Variants in NDST4 observed in about 807,000 individuals in gnomAD.
NDST4 encodes N-heparan sulfate sulfotransferase 4.
Under a neutral mutation model 100.8 loss-of-function variants are expected in NDST4, and 63 were observed. The observed-to-expected ratio is 0.62, with a 90% CI of 0.51 to 0.77. The LOEUF (loss-of-function observed/expected upper bound fraction) is 0.77, where lower values mean the gene tolerates loss of function less well. Among genes scored for constraint, NDST4 ranks in the 30% least tolerant of loss-of-function variants. The pLI, the probability that NDST4 is intolerant of heterozygous loss-of-function variation, is 0.00. For missense variants in NDST4, 943 were observed against 1,018.4 expected, an observed-to-expected ratio of 0.93 and a Z score of 1.01; for synonymous variants, 377 against 361.8, an observed-to-expected ratio of 1.04 and a Z score of -0.48.
intron 2 of NDST4, among the ~76,000 whole-genome samples, chr4:115,073,716 A>G (rs1227161668): frequency 6.6e-6 from 1 of 151,924 alleles, no homozygotes; most frequent in Non-Finnish European, 1.5e-5. Context: ...GATTGGAAGA[A>G]GAAGTTGAAG....
intron 2 of NDST4, among the ~76,000 whole-genome samples, chr4:115,022,390 A>ATG (rs1727862632): frequency 7.6e-5 from 1 of 13,180 alleles, no homozygotes; most frequent in African/African-American, 3.2e-4. Flanking sequence ...TATGTGTTCC[A>ATG]TATATATGTG....
intron 6 of NDST4, among the ~76,000 whole-genome samples, chr4:114,883,130 T>C (rs1724406680): frequency 6.6e-6 from 1 of 151,956 alleles, no homozygotes; most frequent in Non-Finnish European, 1.5e-5. Context: ...AATGATATAG[T>C]TCAAAAACTT....
At chr4:115,068,170 T>C (rs1391728375) in intron 2 of NDST4, among the ~76,000 whole-genome samples, 6 of 152,094 alleles carry the variant, frequency 3.9e-5, no homozygotes, top group African/African-American at 1.4e-4. Context: ...ATCATCTTTG[T>C]TTTCATCATC....
At chr4:115,049,368 T>C (rs1479355272) in intron 2 of NDST4, among the ~76,000 whole-genome samples, 5 of 151,924 alleles carry the variant, frequency 3.3e-5, no homozygotes, top group African/African-American at 1.2e-4. Context: ...CATAGGCAAA[T>C]TGAGGATTCT....
intron 4 of NDST4, among the ~76,000 whole-genome samples, chr4:114,939,177 C>A (rs1394999022): frequency 6.6e-6 from 1 of 152,150 alleles, no homozygotes; most frequent in Non-Finnish European, 1.5e-5. Context: ...GATAAGCAAT[C>A]CTCCAGCATC....
At chr4:115,030,655 A>G (rs1188779940) in intron 2 of NDST4, among the ~76,000 whole-genome samples, 1 of 152,168 alleles carries the variant, frequency 6.6e-6, no homozygotes, top group East Asian at 1.9e-4. Context: ...TGTTAAAAAT[A>G]TAATACTGAT....
At chr4:114,998,886 C>T (rs1727221605) in intron 2 of NDST4, among the ~76,000 whole-genome samples, 7 of 152,020 alleles carry the variant, frequency 4.6e-5, no homozygotes, top group Admixed American at 4.6e-4. Context: ...ATCCACCAAG[C>T]CTCATGATTA....
chr4:115,041,718 T>C (rs537531380), intron 2 of NDST4, among the ~76,000 whole-genome samples: 2 of 150,720 alleles, frequency 1.3e-5, no homozygotes, highest in African/African-American at 5.0e-5. Context: ...ATTTGGTGTT[T>C]TCCATTTATT....
intron 7 of NDST4, among the ~76,000 whole-genome samples, chr4:114,867,328 A>G (rs540459681): frequency 6.6e-6 from 1 of 152,294 alleles, no homozygotes; most frequent in South Asian, 2.1e-4. Flanking sequence ...ATGTCTTGAC[A>G]GCTGGAATCA....
intron 2 of NDST4, among the ~76,000 whole-genome samples, chr4:115,074,828 A>G (rs1212915627): frequency 1.3e-5 from 2 of 152,170 alleles, no homozygotes; most frequent in Non-Finnish European, 2.9e-5. Context: ...AAAAACGTCG[A>G]TAACATCTTA....
rs1294354081 is a variant in NDST4 at position 114,998,832 on chromosome 4, C to A, written c.979-21558G>T. Among the ~76,000 whole-genome samples, 5 of 151,966 alleles carry A rather than the reference C, an allele frequency of 3.3e-5. No individual in the cohort carries two copies. In the East Asian group the frequency reaches 9.7e-4, roughly 29 times the overall value. ...TGCTGGTAAATAAATTCCCTGTAGACCTTGGGCTTGAATTTGGCTTGCCCT... is the reference window on the plus strand; with the variant it reads ...TGCTGGTAAATAAATTCCCTGTAGAACTTGGGCTTGAATTTGGCTTGCCCT... On this transcript the variant is annotated intron_variant, in intron 2 of 13. Coordinates refer to ENST00000264363, the MANE Select transcript of NDST4 (RefSeq NM_022569.3).
At chr4:114,952,923 T>G (rs1433013950) in intron 4 of NDST4, among the ~76,000 whole-genome samples, 2 of 152,148 alleles carry the variant, frequency 1.3e-5, no homozygotes, top group Non-Finnish European at 2.9e-5. Context: ...TACTCATCTA[T>G]TCAAATGTCA....
chr4:115,087,525 G>A (rs1729432242), intron 1 of NDST4, among the ~76,000 whole-genome samples: 1 of 150,478 alleles, frequency 6.6e-6, no homozygotes, highest in South Asian at 2.1e-4. Context: ...ATTTTTCCTT[G>A]ACAGTGGATG....
At chr4:114,861,674 G>A (rs1723920477) in intron 7 of NDST4, among the ~76,000 whole-genome samples, 2 of 152,044 alleles carry the variant, frequency 1.3e-5, no homozygotes, top group African/African-American at 4.8e-5. Context: ...ATAGCTTGGA[G>A]TATCTTTAGC....
intron 2 of NDST4, among the ~76,000 whole-genome samples, chr4:115,026,594 C>T (rs187293071): frequency 6.6e-6 from 1 of 151,796 alleles, no homozygotes; most frequent in East Asian, 1.9e-4. Flanking sequence ...ATTTACTCTC[C>T]AGTTCCCTGG....
At chr4:114,995,666 C>T (rs1410175983) in intron 2 of NDST4, among the ~76,000 whole-genome samples, 2 of 152,168 alleles carry the variant, frequency 1.3e-5, no homozygotes, top group South Asian at 4.1e-4. Flanking sequence ...CCCAATTATT[C>T]ATTTTTATCA....
chr4:114,971,777 G>C (rs1242904908), intron 3 of NDST4, among the ~76,000 whole-genome samples: 1 of 151,982 alleles, frequency 6.6e-6, no homozygotes, highest in East Asian at 1.9e-4. Context: ...GATTTCCATG[G>C]TCATGAGAGT....
chr4:114,878,729 A>G (rs1724307729), intron 6 of NDST4, among the ~76,000 whole-genome samples: 1 of 152,126 alleles, frequency 6.6e-6, no homozygotes. Flanking sequence ...ATGCCAAAAC[A>G]TTTTATAAAA....
chr4:115,097,490 A>G (rs578092300), intron 1 of NDST4, among the ~76,000 whole-genome samples: 24 of 152,226 alleles, frequency 1.6e-4, no homozygotes, highest in South Asian at 6.2e-4. Flanking sequence ...CAGACATACC[A>G]GGCATCCCAT....
Sources: gnomAD v4.1 joint callset for allele counts (sites outside exome capture counted in the v4.1 genomes callset) on GRCh38, gnomAD v4.1.1 for gene constraint, MANE v1.5 for transcripts, NCBI Gene and HGNC (gene_info 2026-07-23, HGNC 2026-07-21) for gene names.